Variants in C14orf39 observed in about 807,000 individuals in gnomAD.
The protein encoded by C14orf39 is chromosome 14 open reading frame 39.
A neutral mutation model predicts 85.6 loss-of-function variants in C14orf39; 66 were observed. That is an observed-to-expected ratio of 0.77 (90% CI 0.63 to 0.95). C14orf39 has a LOEUF of 0.95. C14orf39 is among the 40% of genes least tolerant of loss of function. The probability of loss-of-function intolerance (pLI) is 0.00; values close to 1 mark genes in which losing one functional copy is unlikely to be tolerated. For synonymous variants in C14orf39, 242 were observed against 214.0 expected (o/e 1.13, Z -1.14); for missense variants, 735 against 663.9 (o/e 1.11, Z -1.18).
At chr14:60,469,760 C>T (rs1891982326) in intron 7 of C14orf39, 107 bp from the exon 8 acceptor site, 6 of 519,022 alleles carry the variant, frequency 1.2e-5, no homozygotes, top group Non-Finnish European at 1.8e-5. Flanking sequence ...ATGTATGTTT[C>T]ATATAAACAG....
intron 16 of C14orf39, among the ~76,000 whole-genome samples, chr14:60,454,039 T>C (rs1200286959): frequency 6.6e-6 from 1 of 151,926 alleles, no homozygotes; most frequent in African/African-American, 2.4e-5. Context: ...ATTAAGTAAC[T>C]ATAGTCTACT....
chr14:60,475,926 T>C (rs1055863141), intron 5 of C14orf39, among the ~76,000 whole-genome samples: 2 of 152,136 alleles, frequency 1.3e-5, no homozygotes, highest in Non-Finnish European at 2.9e-5. Context: ...GGGAGTTTCT[T>C]AAAAGATACC....
At chr14:60,498,057 TACTTGCACC>T (rs1893093661) in intron 2 of C14orf39, among the ~76,000 whole-genome samples, 1 of 152,222 alleles carries the variant, frequency 6.6e-6, no homozygotes, top group Non-Finnish European at 1.5e-5. Context: ...CTTGAAAACT[TACTTGCACC>T]ACATTTCTAA....
chr14:60,501,902 T>G (rs1237554490), intron 1 of C14orf39, among the ~76,000 whole-genome samples: 1 of 152,164 alleles, frequency 6.6e-6, no homozygotes, highest in Non-Finnish European at 1.5e-5. Context: ...TGTTGAGAAT[T>G]TACTATGTGT....
At chr14:60,460,877 T>A (rs1452699575) in intron 13 of C14orf39, among the ~76,000 whole-genome samples, 1 of 151,604 alleles carries the variant, frequency 6.6e-6, no homozygotes, top group Admixed American at 6.6e-5. Flanking sequence ...TTTATAATAG[T>A]AAAAGAACTG....
At chr14:60,462,192 T>C (rs183086787) in intron 11 of C14orf39, among the ~76,000 whole-genome samples, 4 of 151,120 alleles carry the variant, frequency 2.6e-5, no homozygotes, top group Admixed American at 6.6e-5. Flanking sequence ...CTGTACAACA[T>C]AGTGAGACCC....
chr14:60,495,353 C>A (rs568009914), intron 2 of C14orf39: 2 of 210,062 alleles, frequency 9.5e-6, no homozygotes, highest in South Asian at 1.8e-4. Context: ...GGTCCCACCC[C>A]AGGTTGTGTG....
chr14:60,477,844 C>G (rs960878406), intron 5 of C14orf39, among the ~76,000 whole-genome samples: 1 of 151,998 alleles, frequency 6.6e-6, no homozygotes, highest in African/African-American at 2.4e-5. Flanking sequence ...GGTAGATGTT[C>G]CACTGCACCC....
chr14:60,498,167 T>A lies in C14orf39; in HGVS notation c.-9+1129A>T, dbSNP rs183881785. On this transcript the variant is annotated intron_variant, in intron 2 of 5. Coordinates refer to the C14orf39 transcript ENST00000556799. Reference sequence around the variant, plus strand: ...AGTATTTTTCATATTTCATTTATAATTTCTTATACAGATTTTGTTTTCCCT... The same window carrying A: ...AGTATTTTTCATATTTCATTTATAAATTCTTATACAGATTTTGTTTTCCCT... Among the ~76,000 whole-genome samples, 5 of 152,376 alleles carry A rather than the reference T, an allele frequency of 3.3e-5. No homozygotes were observed. The East Asian group carries it at 9.6e-4, about 29-fold the overall frequency.
chr14:60,461,237 G>T, intron 13 of C14orf39, 117 bp downstream of exon 13: 1 of 749,894 alleles, frequency 1.3e-6, no homozygotes, highest in Non-Finnish European at 2.2e-6. Flanking sequence ...AAAGCCAGGC[G>T]TGCATGGTCA....
chr14:60,513,804 A>AATTTTTAAGTGAC (rs1296545245), intron 1 of C14orf39, among the ~76,000 whole-genome samples: 1 of 152,226 alleles, frequency 6.6e-6, no homozygotes, highest in Non-Finnish European at 1.5e-5. Flanking sequence ...TTTACAAAAT[A>AATTTTTAAGTGAC]ATTTTTAAGT....
chr14:60,458,625 TA>T (rs1175474421), intron 14 of C14orf39, 52 bp downstream of exon 14: 1 of 1,252,756 alleles, frequency 8.0e-7, no homozygotes, highest in Non-Finnish European at 1.2e-6. Flanking sequence ...ATAGACATAA[TA>T]TTTTAAATTG....
chr14:60,511,122 CACTACGGGCGGAGGGCG>C, intron 1 of C14orf39: 1 of 1,612,850 alleles, frequency 6.2e-7, no homozygotes, highest in Non-Finnish European at 8.5e-7. Context: ...TCCGGGCGGG[CACTACGGGCGGAGGGCG>C]ACGGCACGCC....
chr14:60,448,087 A>T (rs1416123090), intron 16 of C14orf39, among the ~76,000 whole-genome samples: 1 of 152,194 alleles, frequency 6.6e-6, no homozygotes, highest in Non-Finnish European at 1.5e-5. Context: ...AACCATAAAA[A>T]CCCTAGAAGA....
At chr14:60,447,829 C>T (rs539070518) in intron 16 of C14orf39, among the ~76,000 whole-genome samples, 3 of 152,270 alleles carry the variant, frequency 2.0e-5, no homozygotes, top group Non-Finnish European at 2.9e-5. Context: ...CAGCTTGGTA[C>T]TGGTACCAAA....
chr14:60,492,576 G>A (rs1241168389), intron 2 of C14orf39, among the ~76,000 whole-genome samples: 2 of 150,484 alleles, frequency 1.3e-5, no homozygotes, highest in South Asian at 2.1e-4. Flanking sequence ...GACCAGCCTG[G>A]GCAACATGGC....
chr14:60,443,774 G>A (rs192488012), intron 16 of C14orf39, among the ~76,000 whole-genome samples: 33 of 152,302 alleles, frequency 2.2e-4, no homozygotes, highest in African/African-American at 7.5e-4. Flanking sequence ...CCCAGTAGAG[G>A]CTGACAGACA....
chr14:60,511,914 A>T (rs544183207), intron 1 of C14orf39: 11 of 155,978 alleles, frequency 7.1e-5, no homozygotes, highest in African/African-American at 2.6e-4. Flanking sequence ...TCTTACCTAT[A>T]TATCTTTTGC....
At chr14:60,508,562 C>CT (rs1235877403) in intron 1 of C14orf39, among the ~76,000 whole-genome samples, 56 of 152,180 alleles carry the variant, frequency 3.7e-4, no homozygotes, top group Non-Finnish European at 5.9e-4. Flanking sequence ...CTGACCTCTT[C>CT]TACAGATCCC....
Sources: allele counts gnomAD v4.1 joint callset (sites outside exome capture counted in the v4.1 genomes callset), GRCh38; gene constraint gnomAD v4.1.1; transcripts MANE v1.5; gene names NCBI Gene and HGNC (gene_info 2026-07-23, HGNC 2026-07-21).